The following UBE2J2 variants were observed in gnomAD, a reference collection of about 807,000 sequenced individuals.
UBE2J2 encodes the protein ubiquitin conjugating enzyme E2 J2, also known as ubiquitin-conjugating enzyme E2 J2.
A neutral mutation model predicts 28.6 loss-of-function variants in UBE2J2; 5 were observed. The observed-to-expected ratio is 0.17, with a 90% CI of 0.09 to 0.37. The LOEUF is 0.37. Among genes scored for constraint, UBE2J2 ranks in the 10% least tolerant of loss-of-function variants. The probability of loss-of-function intolerance (pLI) is 1.00; values close to 1 mark genes in which losing one functional copy is unlikely to be tolerated. For synonymous variants in UBE2J2, 138 were observed against 139.7 expected (o/e 0.99, Z 0.09); for missense variants, 226 against 338.9 (o/e 0.67, Z 2.62).
chr1:1,262,997 G>A (rs532314168), intron 3 of UBE2J2: 4 of 237,184 alleles, frequency 1.7e-5, no homozygotes, highest in Non-Finnish European at 3.4e-5. Flanking sequence ...CTGAATAACT[G>A]AATATATGTG....
At position 1,268,585 on chromosome 1, in the gene UBE2J2, A is replaced by G. The variant is rs144447351; in HGVS notation, c.1-593T>C. ...GGCAGAGCAGCTGTCTTCCTGGTAG[A>G]AGGGGCCACAGGTGAACAGGCCACA... On this transcript the variant is annotated intron_variant, in intron 1 of 6. Transcript: ENST00000349431. The surrounding 1 kb of genome is among the most constrained non-coding windows in gnomAD (Gnocchi z 4.7). Among the ~76,000 whole-genome samples the G allele has an allele frequency of 1.4e-3, 217 of 152,294 alleles. 1 individual carries two copies. The highest frequency in any genetic ancestry group is 4.7e-3 in the African/African-American group (197 of 41,572).
At chr1:1,264,957 A>G (rs185521811) in intron 2 of UBE2J2, 6 of 153,076 alleles carry the variant, frequency 3.9e-5, no homozygotes, top group Admixed American at 2.6e-4. Context: ...GGGATGATGT[A>G]TCAGCAGAGC....
chr1:1,261,993 G>C (rs1158606472), intron 3 of UBE2J2, among the ~76,000 whole-genome samples: 2 of 152,280 alleles, frequency 1.3e-5, no homozygotes, highest in South Asian at 2.1e-4. Flanking sequence ...GAGTAGCTGG[G>C]ATTATAGGCA....
At chr1:1,272,572 G>A (rs529213929) in intron 1 of UBE2J2, among the ~76,000 whole-genome samples, 1 of 152,244 alleles carries the variant, frequency 6.6e-6, no homozygotes, top group Non-Finnish European at 1.5e-5. Flanking sequence ...AGCCCGGGCC[G>A]ATGGAAATGG....
chr1:1,257,703 C>T (rs867963599), intron 3 of UBE2J2, among the ~76,000 whole-genome samples: 32 of 152,100 alleles, frequency 2.1e-4, no homozygotes, highest in Middle Eastern at 6.8e-3. Context: ...ACCCCCAGCA[C>T]AGCAGGAGCT....
At chr1:1,259,412 T>A (rs984844669) in intron 3 of UBE2J2, among the ~76,000 whole-genome samples, 1 of 152,216 alleles carries the variant, frequency 6.6e-6, no homozygotes, top group Non-Finnish European at 1.5e-5. Flanking sequence ...AGCACTGGCC[T>A]CTGTCCTCCC....
At chr1:1,266,043 A>T in intron 2 of UBE2J2, 2 of 1,302,396 alleles carry the variant, frequency 1.5e-6, no homozygotes, top group African/African-American at 3.0e-5. Context: ...CCACACAATG[A>T]AGACGTCCTC....
intron 1 of UBE2J2, among the ~76,000 whole-genome samples, chr1:1,270,019 T>C (rs902632447): frequency 1.1e-4 from 16 of 152,276 alleles, no homozygotes; most frequent in Admixed American, 7.8e-4. Flanking sequence ...GCCGTTCCAG[T>C]GAAAGCGAGT....
chr1:1,257,394 C>A (rs1396711914), intron 3 of UBE2J2, 84 bp from the exon 4 acceptor site: 1 of 53,110 alleles, frequency 1.9e-5, no homozygotes, highest in Non-Finnish European at 4.1e-5. Context: ...CCCCACGCCA[C>A]CCCCCCCCCC....
At chr1:1,261,651 GTT>G (rs59207041) in intron 3 of UBE2J2, among the ~76,000 whole-genome samples, 30 of 138,076 alleles carry the variant, frequency 2.2e-4, no homozygotes, top group Non-Finnish European at 1.3e-4. Flanking sequence ...ACCCATTTTG[GTT>G]TTTTTTTTTT....
chr1:1,259,402 A>C (rs943298912), intron 3 of UBE2J2, among the ~76,000 whole-genome samples: 2 of 152,154 alleles, frequency 1.3e-5, no homozygotes, highest in African/African-American at 4.8e-5. Context: ...AGGTTTGAGG[A>C]GCACTGGCCT....
rs986407932 is a variant in UBE2J2, at chr1:1,271,380, A to T, written c.-1+2286T>A. ...CCATATACAAAATAATTCACTGGAC[A>T]ATTCAAGTGCAGGTGGGTCTGGGCT... On this transcript the variant is annotated intron_variant, in intron 1 of 6. Coordinates refer to ENST00000349431, the MANE Select transcript of UBE2J2 (RefSeq NM_058167.3). 5 of 152,288 alleles carry T rather than the reference A, an allele frequency of 3.3e-5. 1 individual carries two copies. The highest frequency in any genetic ancestry group is 1.2e-4 in the African/African-American group (5 of 41,474). The allele number at this position is 152,288 out of a possible 1,614,324, so 9.4% of individuals were successfully genotyped here. A position where few individuals can be genotyped will look rare whatever the true frequency, so the allele number is the denominator to read the frequency against.
rs1639093547 is a variant in UBE2J2, at chr1:1,255,142, C to T, written c.*61G>A. On this transcript the variant is annotated 3_prime_UTR_variant, in exon 7 of 7. Coordinates refer to ENST00000349431, the MANE Select transcript of UBE2J2 (RefSeq NM_058167.3). ...TGTGCTGGGCAGTGTGTCCAGCCTGCCGAGGTCACGCTCTGGTGCGCGGTG... is the reference window on the plus strand; with the variant it reads ...TGTGCTGGGCAGTGTGTCCAGCCTGTCGAGGTCACGCTCTGGTGCGCGGTG... The T allele has an allele frequency of 6.7e-6, 10 of 1,498,010 alleles. No individual in the cohort carries two copies. Among genetic ancestry groups the T allele is most frequent in the Non-Finnish European group, 8.1e-6 (9 of 1,115,600 alleles). The allele number at this position is 1,498,010 out of a possible 1,614,324, so 92.8% of individuals were successfully genotyped here.
intron 3 of UBE2J2, among the ~76,000 whole-genome samples, chr1:1,257,582 C>G (rs1015685698): frequency 4.0e-5 from 6 of 150,886 alleles, no homozygotes; most frequent in Non-Finnish European, 8.9e-5. Flanking sequence ...CCCACTGCCC[C>G]GGGAGCTCGA....
At chr1:1,263,420 G>A (rs1639674788) in intron 2 of UBE2J2, 34 bp from the exon 3 acceptor site, 11 of 1,596,846 alleles carry the variant, frequency 6.9e-6, no homozygotes, top group Non-Finnish European at 8.6e-6. Flanking sequence ...TGGGATTTGA[G>A]GACAGCAAAT....
At position 1,263,072 on chromosome 1, in the gene UBE2J2, C is replaced by T. The variant is rs150671997; in HGVS notation, c.172+274G>A. 1,964 of 414,190 alleles carry T rather than the reference C, an allele frequency of 4.7e-3. 36 individuals are homozygous for T. Among genetic ancestry groups the T allele is most frequent in the African/African-American group, 0.036 (1,814 of 50,162 alleles). 25.7% of individuals were successfully genotyped at this position (414,190 alleles called of 1,614,324 possible). The stretch of plus-strand genomic sequence containing the variant: ...TAGAACAGGCCAGCTTCAGTGTTTA[C>T]CCCGGTCTGGTTTTCTCAGCTATGG... On this transcript the variant is annotated intron_variant, in intron 3 of 6. Transcript: ENST00000349431.
chr1:1,270,928 G>C (rs1050422666), intron 1 of UBE2J2, among the ~76,000 whole-genome samples: 1 of 151,418 alleles, frequency 6.6e-6, no homozygotes, highest in East Asian at 1.9e-4. Flanking sequence ...AGTCCTGACC[G>C]ACACACTCCT....
At position 1,255,040 on chromosome 1, in the gene UBE2J2, G is replaced by T; in HGVS notation, c.*163C>A. On this transcript the variant is annotated 3_prime_UTR_variant, in exon 7 of 7. Coordinates refer to ENST00000349431, the MANE Select transcript of UBE2J2 (RefSeq NM_058167.3). Reference sequence around the variant, plus strand: ...GGCTGAGGCTCCAGTCTCCTCCAAAGCCCAGTCACACATTTTGGTTTTTGC... The same window carrying T: ...GGCTGAGGCTCCAGTCTCCTCCAAATCCCAGTCACACATTTTGGTTTTTGC... 1 of 740,172 alleles carries T rather than the reference G, an allele frequency of 1.4e-6. No individual in the cohort carries two copies. 45.9% of individuals were successfully genotyped at this position (740,172 alleles called of 1,614,324 possible).
At position 1,268,498 on chromosome 1, in the gene UBE2J2, A is replaced by C. The variant is rs1326686952; in HGVS notation, c.1-506T>G. On this transcript the variant is annotated intron_variant, in intron 1 of 6. Transcript: ENST00000349431. This position sits in a 1 kb window ranked among gnomAD's most constrained non-coding sequence, Gnocchi z 4.7. ...ACTAGCCACAAGCAAAACGAGCCGC[A>C]GAACGGGGGAGCCTCTGCGGCTGGA... Among the ~76,000 whole-genome samples the C allele has an allele frequency of 6.6e-6, 1 of 152,152 alleles. No homozygotes were observed. The highest frequency in any genetic ancestry group is 1.5e-5 in the Non-Finnish European group (1 of 68,024).
Sources: allele counts gnomAD v4.1 joint callset (sites outside exome capture counted in the v4.1 genomes callset), GRCh38; gene constraint gnomAD v4.1.1; non-coding constraint Gnocchi (gnomAD v3.1); transcripts MANE v1.5; gene names NCBI Gene and HGNC (gene_info 2026-07-23, HGNC 2026-07-21).